The following PRKG1 variants were observed in gnomAD, a reference collection of about 807,000 sequenced individuals.
The protein encoded by PRKG1 is protein kinase cGMP-dependent 1.
Under a neutral mutation model 88.1 loss-of-function variants are expected in PRKG1, and 35 were observed. That is an observed-to-expected ratio of 0.40 (90% CI 0.30 to 0.53). The LOEUF is 0.53. Among genes scored for constraint, PRKG1 ranks in the 20% least tolerant of loss-of-function variants. The probability of loss-of-function intolerance (pLI) is 0.59; values close to 1 mark genes in which losing one functional copy is unlikely to be tolerated. For missense variants in PRKG1, 540 were observed against 839.8 expected, an observed-to-expected ratio of 0.64 and a Z score of 4.41; for synonymous variants, 303 against 292.5, an observed-to-expected ratio of 1.04 and a Z score of -0.37.
At chr10:51,992,188 A>T (rs954506731) in intron 5 of PRKG1, among the ~76,000 whole-genome samples, 5 of 152,120 alleles carry the variant, frequency 3.3e-5, no homozygotes, top group Admixed American at 3.3e-4. Context: ...CCAACCTGAG[A>T]TCCTCATGGC....
chr10:51,159,086 C>T (rs1005325342), intron 2 of PRKG1, among the ~76,000 whole-genome samples: 5 of 152,036 alleles, frequency 3.3e-5, no homozygotes, highest in African/African-American at 9.7e-5. Context: ...TGCTAGCCAC[C>T]GTCGACAGTA....
intron 2 of PRKG1, among the ~76,000 whole-genome samples, chr10:51,164,732 C>T (rs1433184078): frequency 4.0e-5 from 6 of 151,634 alleles, no homozygotes; most frequent in Non-Finnish European, 5.9e-5. Flanking sequence ...AGCCAAGGCT[C>T]GAGAACTATG....
At chr10:51,922,519 A>G (rs58193730) in intron 5 of PRKG1, among the ~76,000 whole-genome samples, 1,525 of 151,822 alleles carry the variant, frequency 0.01, 32 homozygotes, top group African/African-American at 0.035. Flanking sequence ...CTTCCTTTGT[A>G]ATGTATTCAT....
At chr10:51,340,474 G>A (rs1375202800) in intron 2 of PRKG1, among the ~76,000 whole-genome samples, 4 of 152,010 alleles carry the variant, frequency 2.6e-5, no homozygotes, top group Non-Finnish European at 4.4e-5. Context: ...GTTTCCAAAT[G>A]TTTACTTCAT....
At chr10:52,271,840 T>G (rs560901644) in intron 11 of PRKG1, among the ~76,000 whole-genome samples, 86 of 152,206 alleles carry the variant, frequency 5.7e-4, no homozygotes, top group African/African-American at 1.9e-3. Context: ...TATCTGAATA[T>G]TTTTTGAAGA....
chr10:50,994,813 G>A (rs114307035), intron 1 of PRKG1, among the ~76,000 whole-genome samples: 18 of 143,622 alleles, frequency 1.3e-4, no homozygotes, highest in East Asian at 2.0e-4. Flanking sequence ...AACTATTCAG[G>A]AAAAAAAAAA....
chr10:52,094,532 T>C (rs77742424), intron 7 of PRKG1, among the ~76,000 whole-genome samples: 2,197 of 152,270 alleles, frequency 0.014, 55 homozygotes, highest in African/African-American at 0.048. Flanking sequence ...TTCTCCCTCA[T>C]GTTCATTACT....
At chr10:52,174,411 T>G (rs1379282985) in intron 9 of PRKG1, among the ~76,000 whole-genome samples, 1 of 151,992 alleles carries the variant, frequency 6.6e-6, no homozygotes, top group Non-Finnish European at 1.5e-5. Context: ...CATTGATTAA[T>G]ATTAATATTC....
intron 2 of PRKG1, among the ~76,000 whole-genome samples, chr10:51,463,108 G>A (rs560300435): frequency 6.6e-6 from 1 of 152,190 alleles, no homozygotes; most frequent in East Asian, 1.9e-4. Flanking sequence ...CTTGAAAAAG[G>A]AGTCTTTGAT....
intron 3 of PRKG1, among the ~76,000 whole-genome samples, chr10:51,737,533 G>A (rs1297724814): frequency 6.6e-6 from 1 of 151,988 alleles, no homozygotes; most frequent in Non-Finnish European, 1.5e-5. Context: ...TTTCACTGGT[G>A]TCGAAGGAAT....
intron 1 of PRKG1, among the ~76,000 whole-genome samples, chr10:51,099,307 A>G (rs1297525389): frequency 6.6e-6 from 1 of 151,990 alleles, no homozygotes; most frequent in Non-Finnish European, 1.5e-5. Flanking sequence ...ACAGTAAGAC[A>G]AAGCACCCAT....
chr10:51,309,306 C>T (rs1184620901), intron 2 of PRKG1, among the ~76,000 whole-genome samples: 2 of 152,132 alleles, frequency 1.3e-5, no homozygotes, highest in African/African-American at 2.4e-5. Context: ...AGAGAGCCTA[C>T]AGAATGGGAG....
intron 2 of PRKG1, among the ~76,000 whole-genome samples, chr10:51,253,279 A>G (rs180853069): frequency 1.2e-4 from 18 of 152,044 alleles, no homozygotes. Flanking sequence ...AGGAAGAACT[A>G]CTTCACCAAA....
chr10:51,915,233 T>G (rs1641153619), intron 5 of PRKG1, among the ~76,000 whole-genome samples: 1 of 152,188 alleles, frequency 6.6e-6, no homozygotes, highest in African/African-American at 2.4e-5. Context: ...GCTCTCTCTT[T>G]TATCATTCTA....
At chr10:51,640,765 G>T (rs2132296939) in intron 3 of PRKG1, among the ~76,000 whole-genome samples, 1 of 152,262 alleles carries the variant, frequency 6.6e-6, no homozygotes, top group Admixed American at 6.5e-5. Context: ...AATTCTCTAT[G>T]TAGCTTTTAA....
At chr10:51,575,819 A>T (rs1234093021) in intron 3 of PRKG1, among the ~76,000 whole-genome samples, 1 of 151,922 alleles carries the variant, frequency 6.6e-6, no homozygotes, top group Non-Finnish European at 1.5e-5. Context: ...ATACACTATC[A>T]CTAGTCATAA....
At chr10:51,945,193 C>G (rs1377388537) in intron 5 of PRKG1, among the ~76,000 whole-genome samples, 1 of 148,716 alleles carries the variant, frequency 6.7e-6, no homozygotes, top group Non-Finnish European at 1.5e-5. Flanking sequence ...TGAATTGATC[C>G]CTTTACCATT....
At chr10:51,912,076 G>C (rs1842230543) in intron 5 of PRKG1, among the ~76,000 whole-genome samples, 1 of 152,186 alleles carries the variant, frequency 6.6e-6, no homozygotes, top group African/African-American at 2.4e-5. Context: ...AATTACTAAG[G>C]GAAGAACTCT....
intron 2 of PRKG1, among the ~76,000 whole-genome samples, chr10:51,302,157 G>A (rs1466440764): frequency 6.6e-6 from 1 of 152,168 alleles, no homozygotes; most frequent in African/African-American, 2.4e-5. Flanking sequence ...AGCACATTGA[G>A]GAGCACTACT....
Sources: allele counts gnomAD v4.1 joint callset (sites outside exome capture counted in the v4.1 genomes callset), GRCh38; gene constraint gnomAD v4.1.1; transcripts MANE v1.5; gene names NCBI Gene and HGNC (gene_info 2026-07-23, HGNC 2026-07-21).